The following ATM variants were observed in gnomAD, a reference collection of about 807,000 sequenced individuals.
The protein encoded by ATM is ATM serine/threonine kinase.
A neutral mutation model predicts 387.0 loss-of-function variants in ATM; 308 were observed. The observed-to-expected ratio is 0.80, with a 90% CI of 0.73 to 0.87. The LOEUF is 0.87. ATM is among the 40% of genes least tolerant of loss of function. The pLI, the probability that ATM is intolerant of heterozygous loss-of-function variation, is 0.00. For missense variants in ATM, 3,312 were observed against 3,560.9 expected (o/e 0.93, Z 1.78); for synonymous variants, 1,156 against 1,187.3 (o/e 0.97, Z 0.54).
intron 1 of ATM, chr11:108,227,343 C>A (rs1351561590): frequency 2.6e-6 from 1 of 383,754 alleles, no homozygotes; most frequent in African/African-American, 2.1e-5. Context: ...CCTGCTACTA[C>A]TGCAAGCAAG....
At chr11:108,298,128 A>G (rs948364993) in intron 33 of ATM, among the ~76,000 whole-genome samples, 4 of 152,206 alleles carry the variant, frequency 2.6e-5, no homozygotes, top group Non-Finnish European at 5.9e-5. Context: ...AATGTAAAAT[A>G]AGAAGCCAAC....
rs75305387 is a variant in ATM at position 108,335,936 on chromosome 11, G to A, written c.8243G>A (p.Arg2748Lys). The A allele has an allele frequency of 6.2e-7, 1 of 1,612,890 alleles. No individual in the cohort carries two copies. Among genetic ancestry groups the A allele is most frequent in the African/African-American group, 1.3e-5 (1 of 74,980 alleles). ...CAGAGAAACACGGAAACTAGGAAGA[G>A]GAAATTAACTATCTGTACTTATAAG... ...LLQRNTETRKRKLTICTYKVV... is the reference protein window; with the variant it reads ...LLQRNTETRKKKLTICTYKVV... Residue 2748 changes from arginine (R) to lysine (K), a missense_variant, in exon 56 of 63, where the codon AGG becomes AAG. Arg to Lys is a conservative substitution (Grantham distance 26, BLOSUM62 2). Coordinates refer to ENST00000675843, the MANE Select transcript of ATM (RefSeq NM_000051.4).
chr11:108,244,631 T>A (rs1466444135), intron 6 of ATM, among the ~76,000 whole-genome samples, 157 bp from the exon 7 acceptor site: 1 of 6,842 alleles, frequency 1.5e-4, no homozygotes, highest in Non-Finnish European at 2.4e-4. Context: ...AGTAATGCTG[T>A]GATTTTTTTT....
chr11:108,271,690 G>A (rs1447343364), intron 20 of ATM, among the ~76,000 whole-genome samples: 2 of 152,212 alleles, frequency 1.3e-5, no homozygotes, highest in Admixed American at 1.3e-4. Flanking sequence ...GCCAAAATCA[G>A]TTGAATTGTT....
At chr11:108,296,888 C>CGGTGGT in intron 32 of ATM, 2 of 272,420 alleles carry the variant, frequency 7.3e-6, no homozygotes, top group South Asian at 4.0e-5. Flanking sequence ...ATAGACATTT[C>CGGTGGT]CATCATTGCA....
chr11:108,363,412 T>C (rs748490285), intron 61 of ATM, among the ~76,000 whole-genome samples: 1 of 152,234 alleles, frequency 6.6e-6, no homozygotes, highest in Non-Finnish European at 1.5e-5. Context: ...CATTCTCTCC[T>C]CTAAGATTTT....
At chr11:108,257,394 T>C in intron 14 of ATM, 87 bp from the exon 15 acceptor site, 3 of 1,473,790 alleles carry the variant, frequency 2.0e-6, no homozygotes, top group Non-Finnish European at 2.8e-6. Context: ...TATTTTATAG[T>C]ATGTCCAAGA....
chr11:108,280,428 ATT>A (rs2034960475), intron 23 of ATM, among the ~76,000 whole-genome samples: 1 of 152,164 alleles, frequency 6.6e-6, no homozygotes, highest in South Asian at 2.1e-4. Context: ...ATAGAAGCAT[ATT>A]GTCATGAACA....
intron 40 of ATM, among the ~76,000 whole-genome samples, 193 bp downstream of exon 40, chr11:108,312,691 G>A (rs1324463283): frequency 1.3e-5 from 2 of 149,914 alleles, no homozygotes; most frequent in African/African-American, 4.9e-5. Context: ...TACTGACTCT[G>A]CCACTTCTTG....
chr11:108,315,019 C>T (rs530240492), intron 40 of ATM, among the ~76,000 whole-genome samples: 12 of 152,286 alleles, frequency 7.9e-5, no homozygotes, highest in Admixed American at 5.2e-4. Flanking sequence ...CTTTTCTCTG[C>T]ATCTTGGAAG....
chr11:108,259,317 G>A (rs539708060), intron 16 of ATM, among the ~76,000 whole-genome samples: 62 of 152,040 alleles, frequency 4.1e-4, no homozygotes, highest in African/African-American at 1.3e-3. Context: ...GTGAAACCCC[G>A]TCTCTACTAA....
At position 108,293,554 on chromosome 11, in the gene ATM, C is replaced by A. The variant is rs928975746; in HGVS notation, c.4776+77C>A. 26 of 1,283,616 alleles carry A rather than the reference C, an allele frequency of 2.0e-5. No homozygotes were observed. In the South Asian group the frequency reaches 3.3e-4, roughly 16 times the overall value. 79.5% of individuals were successfully genotyped at this position (1,283,616 alleles called of 1,614,324 possible). A position where few individuals can be genotyped will look rare whatever the true frequency, so the allele number is the denominator to read the frequency against. On this transcript the variant is annotated intron_variant, in intron 31 of 62. Transcript: ENST00000675843. ...TTTTCAAAAATCTGTAATGCTCTAG[C>A]AGTAAAAAATGGAATCTTTTCTTTA...
Position 108,332,905 on chromosome 11 carries a change from G to A in ATM, c.7927+5G>A, listed in dbSNP as rs1299306446. 1.2e-6 allele frequency: 2 copies of A among 1,610,412 alleles called. No individual in the cohort carries two copies. The highest frequency in any genetic ancestry group is 1.7e-6 in the Non-Finnish European group (2 of 1,178,908). ...CTCAGTGGAAGACTCAGAGAAGTAT[G>A]TTTTTTTTAAAGAAGAAACGTTACT... is the stretch of plus-strand genomic sequence containing the variant. On this transcript the variant is annotated splice_donor_5th_base_variant and intron_variant, in intron 53 of 62. Transcript: ENST00000675843.
At chr11:108,287,461 A>T (rs1473343135) in intron 26 of ATM, 139 bp from the exon 27 acceptor site, 2 of 560,736 alleles carry the variant, frequency 3.6e-6, no homozygotes, top group Non-Finnish European at 6.1e-6. Flanking sequence ...ATAATCTTGT[A>T]AATCTTGGAC....
chr11:108,312,995 C>A (rs1353516342), intron 40 of ATM, among the ~76,000 whole-genome samples: 1 of 152,168 alleles, frequency 6.6e-6, no homozygotes, highest in Non-Finnish European at 1.5e-5. Context: ...GCTTAAACCT[C>A]TCATCTTCTC....
Position 108,335,939 on chromosome 11 carries a change from A to T in ATM, c.8246A>T (p.Lys2749Ile), listed in dbSNP as rs779145081. 55 of 1,612,064 alleles carry T rather than the reference A, an allele frequency of 3.4e-5. No homozygotes were observed. The East Asian group carries it at 1.2e-3, about 36-fold the overall frequency. Residue 2749 changes from lysine to isoleucine, a missense_variant, in exon 56 of 63, where the codon AAA becomes ATA. Around this residue, in one of 4 missense-constraint regions of ATM, gnomAD observed 1,405 missense variants for 1,604.4 expected, o/e 0.88. Coordinates refer to ENST00000675843, the MANE Select transcript of ATM (RefSeq NM_000051.4). ...AGAAACACGGAAACTAGGAAGAGGAAATTAACTATCTGTACTTATAAGGTA... is the reference window on the plus strand; with the variant it reads ...AGAAACACGGAAACTAGGAAGAGGATATTAACTATCTGTACTTATAAGGTA... The part of the protein sequence containing the change: ...LQRNTETRKR[K>I]LTICTYKVVP...
intron 25 of ATM, among the ~76,000 whole-genome samples, chr11:108,283,379 T>G (rs1181074203): frequency 6.6e-6 from 1 of 152,134 alleles, no homozygotes; most frequent in Non-Finnish European, 1.5e-5. Context: ...AGAAGAAAAA[T>G]TTGAAAATGG....
Position 108,288,230 on chromosome 11 carries a change from C to T in ATM, c.4109+515C>T, listed in dbSNP as rs903233888. 2.0e-5 allele frequency among the ~76,000 whole-genome samples: 3 copies of T among 151,946 alleles called. No individual in the cohort carries two copies. In the South Asian group the frequency reaches 6.2e-4, roughly 32 times the overall value. ...CTGGGACGACAGATGCACATCACTG[C>T]GCCTGGCTAATTTTTTATATTTTTG... On this transcript the variant is annotated intron_variant, in intron 27 of 62. Transcript: ENST00000675843.
chr11:108,301,722 A>C lies in ATM; in HGVS notation c.5252A>C (p.Glu1751Ala). 1 of 1,613,768 alleles carries C rather than the reference A, an allele frequency of 6.2e-7. No homozygotes were observed. Among genetic ancestry groups the C allele is most frequent in the South Asian group, 1.1e-5 (1 of 91,080 alleles). Residue 1751 changes from glutamate to alanine, a missense_variant, in exon 35 of 63, where the codon GAG (glutamate) becomes GCG (alanine). This residue lies in a region of ATM where 1,405 missense variants were observed against 1,604.4 expected (regional missense o/e 0.88). Transcript: ENST00000675843. ...ACAAAGACTGGACATAGTTTCTGGGAGATTTATAAGATGACAACAGATCCA... is the reference window on the plus strand; with the variant it reads ...ACAAAGACTGGACATAGTTTCTGGGCGATTTATAAGATGACAACAGATCCA... ...LATKTGHSFW[E>A]IYKMTTDPML...
Sources: allele counts gnomAD v4.1 joint callset (sites outside exome capture counted in the v4.1 genomes callset), GRCh38; gene constraint gnomAD v4.1.1; regional missense constraint gnomAD v4.1.1; transcripts MANE v1.5; gene names NCBI Gene and HGNC (gene_info 2026-07-23, HGNC 2026-07-21).